Variants in PDE10A observed in about 807,000 individuals in gnomAD.
PDE10A encodes the protein phosphodiesterase 10A.
PDE10A carries 39 observed loss-of-function variants against 97.7 expected under a neutral mutation model. The observed-to-expected ratio is 0.40, with a 90% CI of 0.31 to 0.52. The LOEUF (loss-of-function observed/expected upper bound fraction) is 0.52, where lower values mean the gene tolerates loss of function less well. PDE10A is among the 20% of genes least tolerant of loss of function. PDE10A has a pLI of 0.56. For synonymous variants in PDE10A, 371 were observed against 376.8 expected, an observed-to-expected ratio of 0.98 and a Z score of 0.18; for missense variants, 731 against 1,047.8, an observed-to-expected ratio of 0.70 and a Z score of 4.17.
At chr6:165,923,209 A>C (rs1782805917) in intron 1 of PDE10A, among the ~76,000 whole-genome samples, 1 of 152,216 alleles carries the variant, frequency 6.6e-6, no homozygotes, top group South Asian at 2.1e-4. Context: ...GGTTAGACAA[A>C]AGTATTACAA....
At chr6:165,718,656 G>A (rs1207724839) in intron 1 of PDE10A, among the ~76,000 whole-genome samples, 1 of 150,948 alleles carries the variant, frequency 6.6e-6, no homozygotes. Flanking sequence ...TTTCCCCCCG[G>A]ACGAGACACA....
chr6:165,725,493 C>T (rs1019110627), intron 1 of PDE10A, among the ~76,000 whole-genome samples: 1 of 152,172 alleles, frequency 6.6e-6, no homozygotes, highest in Non-Finnish European at 1.5e-5. Context: ...GCCACAACCC[C>T]ATCATACACC....
In PDE10A at chr6:165,930,894, C is replaced by T. The variant is rs549758849; in HGVS notation, c.-615+56635G>A. 2.8e-4 allele frequency among the ~76,000 whole-genome samples: 42 copies of T among 152,262 alleles called. No homozygotes were observed. The South Asian group carries it at 4.6e-3, about 17-fold the overall frequency. ...ATCAGGAACTGGCATTTCAGCCTGG[C>T]GCAGCCTGGAACATGGGAAGCCACC... On this transcript the variant is annotated intron_variant, in intron 1 of 19. Transcript: ENST00000366882.
At chr6:165,553,517 T>A (rs544555421) in intron 1 of PDE10A, among the ~76,000 whole-genome samples, 21 of 152,288 alleles carry the variant, frequency 1.4e-4, no homozygotes, top group Admixed American at 4.6e-4. Context: ...CCAAGTACAT[T>A]CCACTGAAAG....
intron 1 of PDE10A, among the ~76,000 whole-genome samples, chr6:165,606,661 C>T (rs1276074237): frequency 1.3e-5 from 2 of 152,038 alleles, no homozygotes; most frequent in Non-Finnish European, 2.9e-5. Flanking sequence ...GGAAACATTT[C>T]TTAAGAGGAG....
chr6:165,776,341 G>C (rs764021875), intron 1 of PDE10A, among the ~76,000 whole-genome samples: 7 of 152,006 alleles, frequency 4.6e-5, no homozygotes, highest in Admixed American at 2.0e-4. Flanking sequence ...TTCTCCTAGG[G>C]GGTTACAGTA....
chr6:165,491,567 A>G (rs1780228150), intron 2 of PDE10A, among the ~76,000 whole-genome samples: 1 of 152,218 alleles, frequency 6.6e-6, no homozygotes, highest in South Asian at 2.1e-4. Context: ...TAATGGAATA[A>G]AATTGGAAAT....
At chr6:165,509,108 C>T (rs1781364759) in intron 2 of PDE10A, among the ~76,000 whole-genome samples, 1 of 151,954 alleles carries the variant, frequency 6.6e-6, no homozygotes, top group African/African-American at 2.4e-5. Flanking sequence ...TATATTCATA[C>T]TTCACTCTTT....
At chr6:165,639,463 T>C (rs1004396356) in intron 1 of PDE10A, among the ~76,000 whole-genome samples, 6 of 152,070 alleles carry the variant, frequency 3.9e-5, no homozygotes, top group African/African-American at 1.4e-4. Flanking sequence ...GAGGGCAGGA[T>C]GCAGTGGCTC....
At chr6:165,466,769 TTAA>T (rs1429100883) in intron 3 of PDE10A, among the ~76,000 whole-genome samples, 23 of 152,204 alleles carry the variant, frequency 1.5e-4, no homozygotes, top group Admixed American at 3.3e-4. Flanking sequence ...GACAAACCAA[TTAA>T]TAACTCTACA....
In PDE10A at chr6:165,567,994, A is replaced by AT. The variant is rs386409260; in HGVS notation, c.866-24427dup. On this transcript the variant is annotated intron_variant, in intron 1 of 21. Transcript: ENST00000539869. ...GCACACAATAGGTACGCAACAAGGC[A>AT]TTTTTTTTTTTTTTTTTTTTTTGAG... Among the ~76,000 whole-genome samples the AT allele has an allele frequency of 5.5e-3, 722 of 130,594 alleles. 15 individuals are homozygous for AT. Among genetic ancestry groups the AT allele is most frequent in the African/African-American group, 0.016 (519 of 32,504 alleles). The allele number at this position is 130,594 out of a possible 152,430, so 85.7% of individuals were successfully genotyped here.
intron 1 of PDE10A, among the ~76,000 whole-genome samples, chr6:165,580,306 G>A (rs1253116624): frequency 6.6e-6 from 1 of 152,172 alleles, no homozygotes; most frequent in African/African-American, 2.4e-5. Context: ...AAGAAATTAA[G>A]TGAGCAACTA....
At chr6:165,751,406 C>A (rs1451980643) in intron 1 of PDE10A, among the ~76,000 whole-genome samples, 1 of 152,160 alleles carries the variant, frequency 6.6e-6, no homozygotes, top group Admixed American at 6.5e-5. Context: ...GAACTGAGGG[C>A]AGCAAAAGTG....
Position 165,451,519 on chromosome 6 carries a change from A to G in PDE10A, c.1024-1157T>C, listed in dbSNP as rs534926642. ...AGTAACACACCATGTGCTGCAAAGC[A>G]TGGTTACTATCCAGCTCAAAACTGC... On this transcript the variant is annotated intron_variant, in intron 3 of 21. Transcript: ENST00000539869. Among the ~76,000 whole-genome samples the G allele has an allele frequency of 1.6e-4, 25 of 152,318 alleles. No individual in the cohort carries two copies. The South Asian group carries it at 5.2e-3, about 32-fold the overall frequency.
chr6:165,716,434 T>C (rs1350799806), intron 1 of PDE10A, among the ~76,000 whole-genome samples: 1 of 152,182 alleles, frequency 6.6e-6, no homozygotes, highest in Non-Finnish European at 1.5e-5. Context: ...TATCTTCTAA[T>C]AGGAAGGCAG....
chr6:165,480,498 A>G (rs1779541683), intron 3 of PDE10A, among the ~76,000 whole-genome samples: 1 of 152,138 alleles, frequency 6.6e-6, no homozygotes. Context: ...AGGTGGGAGG[A>G]TCATCTGAAC....
At chr6:165,835,583 G>C (rs1266498768) in intron 1 of PDE10A, among the ~76,000 whole-genome samples, 4 of 152,202 alleles carry the variant, frequency 2.6e-5, no homozygotes, top group Non-Finnish European at 4.4e-5. Context: ...TGTAGGATTG[G>C]GGCTGATGTC....
chr6:165,583,959 T>G (rs111337583), intron 1 of PDE10A, among the ~76,000 whole-genome samples: 10 of 152,214 alleles, frequency 6.6e-5, no homozygotes, highest in African/African-American at 1.9e-4. Flanking sequence ...ACACAATGGC[T>G]CCAATGAACT....
At chr6:165,653,414 T>C (rs1789781301) in intron 1 of PDE10A, among the ~76,000 whole-genome samples, 1 of 152,120 alleles carries the variant, frequency 6.6e-6, no homozygotes, top group Non-Finnish European at 1.5e-5. Flanking sequence ...GAAAAAGGGT[T>C]CCAGGGCACT....
Sources: allele counts gnomAD v4.1 joint callset (sites outside exome capture counted in the v4.1 genomes callset), GRCh38; gene constraint gnomAD v4.1.1; transcripts MANE v1.5; gene names NCBI Gene and HGNC (gene_info 2026-07-23, HGNC 2026-07-21).